The following CCDC178 variants were observed in gnomAD, a reference collection of about 807,000 sequenced individuals.
CCDC178 encodes coiled-coil domain containing 178, also known as coiled-coil domain-containing protein 178.
In CCDC178, 126 loss-of-function variants were observed where a neutral mutation model predicts 117.4. The ratio of observed to expected loss-of-function variants is 1.07; its 90% CI spans 0.93 to 1.24. The LOEUF (loss-of-function observed/expected upper bound fraction) is 1.24. Among genes scored for constraint, CCDC178 ranks in the 50% most tolerant of loss-of-function variants. The pLI is 0.00. For missense variants in CCDC178, 1,030 were observed against 986.9 expected, an observed-to-expected ratio of 1.04 and a Z score of -0.59; for synonymous variants, 283 against 313.4, an observed-to-expected ratio of 0.90 and a Z score of 1.02.
chr18:32,971,088 G>A (rs1638496428), intron 22 of CCDC178, among the ~76,000 whole-genome samples: 2 of 151,938 alleles, frequency 1.3e-5, no homozygotes, highest in Non-Finnish European at 2.9e-5. Context: ...TATGTGCCAT[G>A]GTGGTTTGCT....
At chr18:33,239,177 A>G (rs536056579) in intron 15 of CCDC178, among the ~76,000 whole-genome samples, 4 of 152,112 alleles carry the variant, frequency 2.6e-5, no homozygotes, top group African/African-American at 7.2e-5. Context: ...ATGCAAAACT[A>G]TAAGACTCAC....
intron 21 of CCDC178, among the ~76,000 whole-genome samples, chr18:32,990,482 A>G (rs2055365444): frequency 6.6e-6 from 1 of 152,148 alleles, no homozygotes; most frequent in African/African-American, 2.4e-5. Context: ...AAGAGTTGGC[A>G]TTGCAAATCA....
chr18:33,136,265 C>A (rs768732641), intron 20 of CCDC178, among the ~76,000 whole-genome samples: 1 of 152,162 alleles, frequency 6.6e-6, no homozygotes, highest in Admixed American at 6.5e-5. Context: ...TTTCTCCCCA[C>A]GTACCTTGAA....
At chr18:32,964,085 C>T (rs934668724) in intron 22 of CCDC178, among the ~76,000 whole-genome samples, 1 of 151,820 alleles carries the variant, frequency 6.6e-6, no homozygotes, top group Admixed American at 6.6e-5. Flanking sequence ...CATAATCATT[C>T]CTAAAGGTAG....
chr18:33,301,371 G>A lies in CCDC178; in HGVS notation c.1023-8059C>T, dbSNP rs147549673. On this transcript the variant is annotated intron_variant, in intron 11 of 22. Transcript: ENST00000383096. ...CACAGATAACCTCTACTAGGAAAAT[G>A]GCAGAGGAAAATATGGGGTTGGAGA... Among the ~76,000 whole-genome samples, 290 of 152,326 alleles carry A rather than the reference G, an allele frequency of 1.9e-3. 2 individuals carry two copies. The highest frequency in any genetic ancestry group is 6.6e-3 in the African/African-American group (273 of 41,574).
intron 4 of CCDC178, among the ~76,000 whole-genome samples, chr18:33,392,438 T>C (rs1174953529): frequency 2.0e-5 from 3 of 152,216 alleles, no homozygotes; most frequent in African/African-American, 7.2e-5. Flanking sequence ...TTCCCACAAC[T>C]TGACTGAGTC....
Position 33,026,912 on chromosome 18 carries a change from T to C in CCDC178, c.2389-52231A>G, listed in dbSNP as rs527549203. On this transcript the variant is annotated intron_variant, in intron 21 of 22. Coordinates refer to ENST00000383096, the MANE Select transcript of CCDC178 (RefSeq NM_001105528.4). ...GGAAAGAGATCTGTATTAAAAGAAA[T>C]TGCCAAAGGATTCTTCAGGCAGATG... 5.3e-5 allele frequency among the ~76,000 whole-genome samples: 8 copies of C among 152,014 alleles called. No individual in the cohort carries two copies. In the East Asian group the frequency reaches 1.5e-3, roughly 29 times the overall value.
intron 21 of CCDC178, among the ~76,000 whole-genome samples, chr18:33,060,180 T>C (rs780306122): frequency 2.6e-5 from 4 of 152,156 alleles, no homozygotes; most frequent in Non-Finnish European, 2.9e-5. Flanking sequence ...TAAGGTATTA[T>C]TTATGAACAA....
intron 21 of CCDC178, among the ~76,000 whole-genome samples, chr18:33,006,432 G>C (rs868733998): frequency 4.6e-4 from 70 of 152,144 alleles, no homozygotes; most frequent in African/African-American, 1.6e-3. Flanking sequence ...TATTTGCATA[G>C]TGTTTAAATT....
intron 9 of CCDC178, among the ~76,000 whole-genome samples, chr18:33,345,715 C>G (rs1403938503): frequency 6.6e-6 from 1 of 152,166 alleles, no homozygotes; most frequent in East Asian, 1.9e-4. Flanking sequence ...GGATTTCTAA[C>G]AGACCCAAAG....
chr18:33,340,792 A>C (rs2062807295), intron 9 of CCDC178, among the ~76,000 whole-genome samples: 1 of 152,146 alleles, frequency 6.6e-6, no homozygotes, highest in African/African-American at 2.4e-5. Flanking sequence ...CTCCGCCTAA[A>C]TTTCAGATGT....
intron 14 of CCDC178, among the ~76,000 whole-genome samples, chr18:33,255,452 C>A (rs1316534875): frequency 6.6e-6 from 1 of 151,970 alleles, no homozygotes; most frequent in Non-Finnish European, 1.5e-5. Context: ...ATAGTGTTCC[C>A]ATCATGAGAC....
At chr18:33,368,160 T>C (rs1447227799) in intron 6 of CCDC178, among the ~76,000 whole-genome samples, 2 of 152,004 alleles carry the variant, frequency 1.3e-5, no homozygotes, top group African/African-American at 2.4e-5. Context: ...ATTTGACTTC[T>C]CTATGCCCTA....
At position 33,293,183 on chromosome 18, in the gene CCDC178, AT is replaced by A. The variant is rs749875431; in HGVS notation, c.1151del (p.Asn384MetfsTer13). The A allele has an allele frequency of 1.3e-6, 2 of 1,585,358 alleles. No homozygotes were observed. Among genetic ancestry groups the A allele is most frequent in the Non-Finnish European group, 1.7e-6 (2 of 1,162,750 alleles). ...CCATTTTTGATAGAGAATGTAATTCATTTTTTGATGACTTTGTTTCCCTTAT... is the reference window on the plus strand; with the variant it reads ...CCATTTTTGATAGAGAATGTAATTCATTTTTGATGACTTTGTTTCCCTTAT... Reference protein sequence around the residue: ...EAIRETKSSKNELHSLSKMLE... With the variant: ...EAIRETKSSKXELHSLSKMLE... On this transcript the variant is annotated frameshift_variant, in exon 12 of 23. Transcript: ENST00000383096. LOFTEE classifies it high-confidence loss of function.
chr18:33,415,292 G>A (rs2063920306), intron 2 of CCDC178, among the ~76,000 whole-genome samples: 1 of 152,106 alleles, frequency 6.6e-6, no homozygotes. Context: ...CAAAGACTTG[G>A]AACCAACCCA....
intron 10 of CCDC178, among the ~76,000 whole-genome samples, chr18:33,324,447 C>T (rs1029280120): frequency 5.9e-5 from 9 of 151,804 alleles, no homozygotes; most frequent in East Asian, 1.9e-4. Context: ...TTTTCTGAGT[C>T]GTAAGGTATT....
At chr18:33,368,656 G>T (rs750515357) in intron 6 of CCDC178, among the ~76,000 whole-genome samples, 2 of 151,768 alleles carry the variant, frequency 1.3e-5, no homozygotes, top group African/African-American at 4.8e-5. Context: ...ACAGACAGAG[G>T]GTGTGTGAAT....
At chr18:33,085,412 A>G (rs912351698) in intron 21 of CCDC178, among the ~76,000 whole-genome samples, 7 of 152,024 alleles carry the variant, frequency 4.6e-5, no homozygotes, top group Non-Finnish European at 1.0e-4. Context: ...AAATACAAAA[A>G]ATTAGCCAGG....
intron 22 of CCDC178, among the ~76,000 whole-genome samples, chr18:32,962,697 T>C (rs2054730038): frequency 6.6e-6 from 1 of 152,090 alleles, no homozygotes; most frequent in South Asian, 2.1e-4. Context: ...GAGTTTACTA[T>C]GATTTACCTT....
Sources: allele counts gnomAD v4.1 joint callset (sites outside exome capture counted in the v4.1 genomes callset), GRCh38; gene constraint gnomAD v4.1.1; transcripts MANE v1.5; gene names NCBI Gene and HGNC (gene_info 2026-07-23, HGNC 2026-07-21).